PCSK6: variants seen among roughly 807,000 people sequenced by gnomAD.
PCSK6 encodes the protein proprotein convertase subtilisin/kexin type 6, also known as paired basic amino acid cleaving enzyme 4.
A neutral mutation model predicts 123.3 loss-of-function variants in PCSK6; 85 were observed. The ratio of observed to expected loss-of-function variants is 0.69; its 90% CI spans 0.58 to 0.83. The LOEUF is 0.83. PCSK6 is among the 40% of genes least tolerant of loss of function. The probability of loss-of-function intolerance (pLI) is 0.00; values close to 1 mark genes in which losing one functional copy is unlikely to be tolerated. For synonymous variants in PCSK6, 508 were observed against 516.0 expected (o/e 0.98, Z 0.21); for missense variants, 1,191 against 1,282.3 (o/e 0.93, Z 1.09).
intron 6 of PCSK6, among the ~76,000 whole-genome samples, chr15:101,403,679 T>G (rs1237370366): frequency 6.6e-6 from 1 of 152,200 alleles, no homozygotes; most frequent in African/African-American, 2.4e-5. Context: ...AGGAAAATGA[T>G]CAGAATTTTT....
At chr15:101,326,576 G>T in intron 15 of PCSK6, 97 bp from the exon 16 acceptor site, 1 of 1,235,912 alleles carries the variant, frequency 8.1e-7, no homozygotes, top group Non-Finnish European at 1.1e-6. Flanking sequence ...AGCTTGGCAG[G>T]GTTGGGAGAC....
intron 2 of PCSK6, among the ~76,000 whole-genome samples, chr15:101,433,876 C>T (rs1448249883): frequency 6.6e-6 from 1 of 152,194 alleles, no homozygotes. Flanking sequence ...GGGCAAAATG[C>T]CGGAAGAGAG....
chr15:101,459,127 C>T (rs1184802462), intron 1 of PCSK6, among the ~76,000 whole-genome samples: 2 of 152,130 alleles, frequency 1.3e-5, no homozygotes, highest in East Asian at 3.8e-4. Context: ...GCCCACTGAG[C>T]CCTTGGGAAT....
At chr15:101,409,182 G>A (rs1330642323) in intron 6 of PCSK6, among the ~76,000 whole-genome samples, 1 of 152,260 alleles carries the variant, frequency 6.6e-6, no homozygotes, top group Non-Finnish European at 1.5e-5. Flanking sequence ...GGGAGGCTGA[G>A]CGCGGGGGCT....
chr15:101,429,087 C>T (rs901015214), intron 5 of PCSK6, among the ~76,000 whole-genome samples: 29 of 152,322 alleles, frequency 1.9e-4, no homozygotes, highest in African/African-American at 5.3e-4. Flanking sequence ...AGAATCAAAG[C>T]GACCACAAAC....
intron 15 of PCSK6, among the ~76,000 whole-genome samples, chr15:101,331,314 C>T (rs2040366421): frequency 1.3e-5 from 2 of 152,254 alleles, no homozygotes; most frequent in Admixed American, 1.3e-4. Flanking sequence ...CTGCTGACAT[C>T]ATCTCTTGAG....
intron 7 of PCSK6, among the ~76,000 whole-genome samples, chr15:101,396,158 A>C (rs1327288073): frequency 6.6e-6 from 1 of 152,166 alleles, no homozygotes; most frequent in African/African-American, 2.4e-5. Context: ...TGACGAAAAA[A>C]AATCAAATGA....
chr15:101,348,822 C>T (rs1194023182), intron 13 of PCSK6, among the ~76,000 whole-genome samples: 5 of 152,180 alleles, frequency 3.3e-5, no homozygotes, highest in Non-Finnish European at 7.3e-5. Flanking sequence ...AGCTGCTCTG[C>T]TCTGGGCTCT....
intron 13 of PCSK6, among the ~76,000 whole-genome samples, chr15:101,359,702 A>G (rs1422222327): frequency 6.6e-6 from 1 of 152,232 alleles, no homozygotes; most frequent in East Asian, 1.9e-4. Flanking sequence ...GCAGGTGCAC[A>G]GGTGTGCAGG....
At chr15:101,314,933 G>A (rs1016931434) in intron 19 of PCSK6, among the ~76,000 whole-genome samples, 3 of 152,182 alleles carry the variant, frequency 2.0e-5, no homozygotes, top group African/African-American at 7.2e-5. Context: ...TGGTCTCTGG[G>A]AGCATCTGGT....
rs1013074598 is a variant in PCSK6, at chr15:101,398,654, C to T, written c.824-78G>A. ...GACGGGAACCCGGGCCCAGGAGGCT[C>T]GGATGAGGACACCGCATCACAGAGT... is the stretch of plus-strand genomic sequence containing the variant. On this transcript the variant is annotated intron_variant, in intron 6 of 21. Transcript: ENST00000611716. This position sits in a 1 kb window ranked among gnomAD's most constrained non-coding sequence, Gnocchi z 4.6. 20 of 1,474,016 alleles carry T rather than the reference C, an allele frequency of 1.4e-5. No homozygotes were observed. The highest frequency in any genetic ancestry group is 1.1e-4 in the East Asian group (5 of 43,602). The allele number at this position is 1,474,016 out of a possible 1,614,324, so 91.3% of individuals were successfully genotyped here. A position where few individuals can be genotyped will look rare whatever the true frequency, so the allele number is the denominator to read the frequency against.
intron 1 of PCSK6, among the ~76,000 whole-genome samples, chr15:101,467,144 C>A (rs981047460): frequency 5.3e-5 from 8 of 152,150 alleles, no homozygotes; most frequent in African/African-American, 1.9e-4. Flanking sequence ...TTTCCCACTC[C>A]TGTTAACTGA....
intron 21 of PCSK6, among the ~76,000 whole-genome samples, chr15:101,306,341 C>T (rs1049126398): frequency 8.6e-5 from 13 of 152,032 alleles, no homozygotes; most frequent in African/African-American, 3.1e-4. Context: ...ATTAGACAAC[C>T]CTCCCGCCAC....
intron 13 of PCSK6, among the ~76,000 whole-genome samples, chr15:101,344,215 T>C (rs1335769085): frequency 1.3e-5 from 2 of 152,248 alleles, no homozygotes; most frequent in East Asian, 3.8e-4. Context: ...GTTTTATCTA[T>C]CAAATATATC....
intron 7 of PCSK6, among the ~76,000 whole-genome samples, chr15:101,397,372 G>A (rs1308350241): frequency 5.3e-5 from 8 of 152,130 alleles, no homozygotes; most frequent in South Asian, 2.1e-4. Flanking sequence ...CCTACTATCC[G>A]ACTGACTTAC....
In PCSK6 at chr15:101,307,478, CAG is replaced by C. The variant is rs752548233; in HGVS notation, c.2700-155_2700-154del. ...CTGTGTCGCCCACCATTCCCTGACA[CAG>C]GGGCTGAGTGTCTGCATGTCTTTTC... is the stretch of plus-strand genomic sequence containing the variant. On this transcript the variant is annotated intron_variant, in intron 20 of 21. Coordinates refer to ENST00000611716, the MANE Select transcript of PCSK6 (RefSeq NM_002570.5). The C allele has an allele frequency of 2.1e-3, 1,309 of 615,578 alleles. 3 individuals carry two copies. The highest frequency in any genetic ancestry group is 3.3e-3 in the Non-Finnish European group (1,109 of 340,302). 38.1% of individuals were successfully genotyped at this position (615,578 alleles called of 1,614,324 possible).
chr15:101,479,913 AG>A (rs1485806054), intron 1 of PCSK6, among the ~76,000 whole-genome samples: 3 of 152,186 alleles, frequency 2.0e-5, no homozygotes, highest in Non-Finnish European at 4.4e-5. Context: ...CAGTCCAGGA[AG>A]GGGGACAGGA....
chr15:101,335,099 A>G (rs1359418346), intron 13 of PCSK6, among the ~76,000 whole-genome samples: 1 of 152,160 alleles, frequency 6.6e-6, no homozygotes, highest in Non-Finnish European at 1.5e-5. Flanking sequence ...GGCTAGGACT[A>G]CAGGTGTGCA....
intron 2 of PCSK6, among the ~76,000 whole-genome samples, chr15:101,442,275 C>A (rs191566544): frequency 5.2e-4 from 79 of 152,298 alleles, no homozygotes; most frequent in Admixed American, 2.7e-3. Flanking sequence ...GGAATTAGCA[C>A]AATGTTTCAT....
Sources: gnomAD v4.1 joint callset for allele counts (sites outside exome capture counted in the v4.1 genomes callset) on GRCh38, gnomAD v4.1.1 for gene constraint, Gnocchi (gnomAD v3.1) non-coding constraint, MANE v1.5 for transcripts, NCBI Gene and HGNC (gene_info 2026-07-23, HGNC 2026-07-21) for gene names.